The following SH3PXD2A variants were observed in gnomAD, a reference collection of about 807,000 sequenced individuals.
The protein encoded by SH3PXD2A is SH3 and PX domains 2A, also known as SH3 and PX domain-containing protein 2A.
In SH3PXD2A, 32 loss-of-function variants were observed where a neutral mutation model predicts 115.2. The ratio of observed to expected loss-of-function variants is 0.28; its 90% confidence interval spans 0.21 to 0.37. SH3PXD2A has a LOEUF of 0.37. Ranked by LOEUF, SH3PXD2A falls within the 10% of genes least tolerant of loss-of-function variation. SH3PXD2A has a pLI of 1.00. For missense variants in SH3PXD2A, 1,328 were observed against 1,498.7 expected (o/e 0.89, Z 1.88); for synonymous variants, 610 against 629.1 (o/e 0.97, Z 0.45).
intron 2 of SH3PXD2A, among the ~76,000 whole-genome samples, chr10:103,786,839 T>C (rs2038985876): frequency 6.6e-6 from 1 of 151,880 alleles, no homozygotes; most frequent in Admixed American, 6.6e-5. Flanking sequence ...GCCTGAGGGG[T>C]GACCCCTGCT....
At chr10:103,648,161 G>T (rs1267746212) in intron 8 of SH3PXD2A, among the ~76,000 whole-genome samples, 1 of 152,156 alleles carries the variant, frequency 6.6e-6, no homozygotes, top group African/African-American at 2.4e-5. Context: ...AGGTAGACAA[G>T]AAAGAGTATG....
intron 8 of SH3PXD2A, among the ~76,000 whole-genome samples, chr10:103,651,176 G>A (rs1261770900): frequency 6.6e-6 from 1 of 152,156 alleles, no homozygotes; most frequent in Non-Finnish European, 1.5e-5. Flanking sequence ...GTAGGCTGGA[G>A]TGCTGACCAG....
chr10:103,661,793 G>A (rs979820375), intron 7 of SH3PXD2A: 137 of 985,002 alleles, frequency 1.4e-4, no homozygotes, highest in Non-Finnish European at 1.6e-4. Flanking sequence ...AAACACATGA[G>A]ACCCGTCGAA....
intron 9 of SH3PXD2A, among the ~76,000 whole-genome samples, chr10:103,623,070 CTT>C (rs2036632130): frequency 1.3e-5 from 2 of 152,334 alleles, no homozygotes; most frequent in Non-Finnish European, 2.9e-5. Context: ...ACTTGGATCC[CTT>C]CCTTGCGGGG....
At chr10:103,843,439 TC>T (rs66604936) in intron 1 of SH3PXD2A, among the ~76,000 whole-genome samples, 33,852 of 152,014 alleles carry the variant, frequency 0.22, 3,981 homozygotes, top group Non-Finnish European at 0.24. Flanking sequence ...CTATCCACCA[TC>T]CCCAAGAGGA....
chr10:103,679,190 T>TTAGGCTCACAA (rs2037579017), intron 6 of SH3PXD2A, among the ~76,000 whole-genome samples: 1 of 152,222 alleles, frequency 6.6e-6, no homozygotes, highest in Non-Finnish European at 1.5e-5. Flanking sequence ...CTTGTGACAC[T>TTAGGCTCACAA]GTTTTAAAAC....
chr10:103,794,266 T>C (rs2134255190), intron 2 of SH3PXD2A, among the ~76,000 whole-genome samples: 1 of 152,288 alleles, frequency 6.6e-6, no homozygotes, highest in African/African-American at 2.4e-5. Flanking sequence ...TCAGAGCCAA[T>C]GAGCAAACCT....
intron 2 of SH3PXD2A, among the ~76,000 whole-genome samples, chr10:103,790,217 C>A (rs916213985): frequency 2.0e-4 from 30 of 151,004 alleles, no homozygotes; most frequent in African/African-American, 7.1e-4. Context: ...AGCAGTGGTG[C>A]GATCTCGGCT....
intron 3 of SH3PXD2A, among the ~76,000 whole-genome samples, chr10:103,737,686 C>T (rs949911869): frequency 2.0e-5 from 3 of 152,190 alleles, no homozygotes; most frequent in African/African-American, 7.2e-5. Flanking sequence ...CCTCTGAGGG[C>T]GTTAACTCCA....
chr10:103,782,914 A>C (rs921263579), intron 2 of SH3PXD2A, among the ~76,000 whole-genome samples: 1 of 147,982 alleles, frequency 6.8e-6, no homozygotes, highest in Admixed American at 6.7e-5. Flanking sequence ...CCAAGAGTAC[A>C]TGAAATGAAT....
At chr10:103,735,989 G>A (rs2038376410) in intron 3 of SH3PXD2A, among the ~76,000 whole-genome samples, 181 bp from the exon 4 acceptor site, 1 of 152,180 alleles carries the variant, frequency 6.6e-6, no homozygotes, top group South Asian at 2.1e-4. Flanking sequence ...GGCGCCCTAG[G>A]CTGAGAGCCC....
intron 8 of SH3PXD2A, among the ~76,000 whole-genome samples, chr10:103,638,081 C>T (rs1046956605): frequency 7.9e-5 from 12 of 152,172 alleles, no homozygotes; most frequent in South Asian, 2.1e-4. Flanking sequence ...CAGGAGCGAG[C>T]GAGAAACTCC....
At chr10:103,708,872 T>C (rs2038013994) in intron 5 of SH3PXD2A, among the ~76,000 whole-genome samples, 1 of 152,034 alleles carries the variant, frequency 6.6e-6, no homozygotes, top group African/African-American at 2.4e-5. Context: ...GGATAATGCA[T>C]GTCCCCCATC....
chr10:103,649,423 G>A (rs2037086177), intron 8 of SH3PXD2A, among the ~76,000 whole-genome samples: 1 of 152,216 alleles, frequency 6.6e-6, no homozygotes, highest in Non-Finnish European at 1.5e-5. Context: ...TCCCTCGATG[G>A]CACGCCACTG....
rs2036221366 is a variant in SH3PXD2A at position 103,602,006 on chromosome 10, T to C, written c.3212A>G (p.Asn1071Ser). 1.2e-6 allele frequency: 2 copies of C among 1,613,844 alleles called. No individual in the cohort carries two copies. Among genetic ancestry groups the C allele is most frequent in the African/African-American group, 1.3e-5 (1 of 75,036 alleles). The change falls in exon 15 of 15, where the codon AAT becomes AGT. Residue 1071 changes from asparagine to serine, a missense_variant. Physicochemically the swap from Asn to Ser is conservative, Grantham distance 46. Around this residue, in one of 5 missense-constraint regions of SH3PXD2A, gnomAD observed 574 missense variants for 565.7 expected, o/e 1.01. Coordinates refer to ENST00000369774, the MANE Select transcript of SH3PXD2A (RefSeq NM_001394015.1). ...KPIEKSQFIHNNLKDVYVSIA... is the reference protein window; with the variant it reads ...KPIEKSQFIHSNLKDVYVSIA... ...AGAGACGTACACATCTTTGAGGTTA[T>C]TGTGGATGAACTGAGACTTCTCGAT...
intron 5 of SH3PXD2A, among the ~76,000 whole-genome samples, chr10:103,713,580 C>T (rs1405092709): frequency 1.3e-5 from 2 of 152,224 alleles, no homozygotes; most frequent in African/African-American, 4.8e-5. Flanking sequence ...TGCCACTCTC[C>T]TTGAGTAGTG....
At position 103,642,147 on chromosome 10, in the gene SH3PXD2A, CTTT is replaced by C. The variant is rs35382988; in HGVS notation, c.605-14948_605-14946del. Among the ~76,000 whole-genome samples, 774 of 141,148 alleles carry C rather than the reference CTTT, an allele frequency of 5.5e-3. 7 individuals are homozygous for C. Among genetic ancestry groups the C allele is most frequent in the African/African-American group, 0.017 (658 of 38,602 alleles). The allele number at this position is 141,148 out of a possible 152,430, so 92.6% of individuals were successfully genotyped here. A position where few individuals can be genotyped will look rare whatever the true frequency, so the allele number is the denominator to read the frequency against. ...GGACTGTATATTTAAAGCAATTTGC[CTTT>C]TTTTTTTTTTTTTAACTTCAAGAAA... On this transcript the variant is annotated intron_variant, in intron 8 of 14. Coordinates refer to ENST00000369774, the MANE Select transcript of SH3PXD2A (RefSeq NM_001394015.1).
chr10:103,821,271 T>C (rs1036849485), intron 1 of SH3PXD2A, among the ~76,000 whole-genome samples: 1 of 150,176 alleles, frequency 6.7e-6, no homozygotes, highest in African/African-American at 2.5e-5. Context: ...GCCTCCCAAG[T>C]AGCTAATTTT....
In SH3PXD2A at chr10:103,603,154, G is replaced by A; in HGVS notation, c.2064C>T (p.Ala688=). Residue 688 remains alanine (A), a synonymous_variant, in exon 15 of 15, where the codon GCC becomes GCT. Coordinates refer to ENST00000369774, the MANE Select transcript of SH3PXD2A (RefSeq NM_001394015.1). ...QAEMGKNHSS[A]SFSSSITINT... The stretch of plus-strand genomic sequence containing the variant: ...TGATGGTGATGGATGAGGAAAAGGA[G>A]GCTGAGGAGTGGTTCTTCCCCATTT... 6.2e-7 allele frequency: 1 copy of A among 1,613,794 alleles called. No homozygotes were observed.
Sources: allele counts gnomAD v4.1 joint callset (sites outside exome capture counted in the v4.1 genomes callset), GRCh38; gene constraint gnomAD v4.1.1; regional missense constraint gnomAD v4.1.1; transcripts MANE v1.5; gene names NCBI Gene and HGNC (gene_info 2026-07-23, HGNC 2026-07-21).